The following ANKRD55 variants were observed in gnomAD, a reference collection of about 807,000 sequenced individuals.
The protein encoded by ANKRD55 is ankyrin repeat domain-containing protein 55.
Under a neutral mutation model 60.6 loss-of-function variants are expected in ANKRD55, and 41 were observed. The observed-to-expected ratio is 0.68, with a 90% CI of 0.53 to 0.88. ANKRD55 has a LOEUF of 0.88. ANKRD55 is among the 40% of genes least tolerant of loss of function. The probability of loss-of-function intolerance (pLI) is 0.00; values close to 1 mark genes in which losing one functional copy is unlikely to be tolerated. For missense variants in ANKRD55, 732 were observed against 767.6 expected (o/e 0.95, Z 0.55); for synonymous variants, 264 against 290.3 (o/e 0.91, Z 0.92).
chr5:56,116,396 T>C (rs1756887893), intron 9 of ANKRD55, among the ~76,000 whole-genome samples: 1 of 152,234 alleles, frequency 6.6e-6, no homozygotes, highest in African/African-American at 2.4e-5. Flanking sequence ...TTGGATTCAC[T>C]ACTATCATTT....
chr5:56,190,204 T>C (rs1399843596), intron 2 of ANKRD55, among the ~76,000 whole-genome samples: 1 of 152,218 alleles, frequency 6.6e-6, no homozygotes, highest in Non-Finnish European at 1.5e-5. Context: ...TTGTAGGAGT[T>C]CTTTATATAT....
chr5:56,199,303 G>A (rs555933704), intron 2 of ANKRD55, among the ~76,000 whole-genome samples: 14 of 151,918 alleles, frequency 9.2e-5, no homozygotes, highest in Admixed American at 3.9e-4. Flanking sequence ...TGCAGGGCCC[G>A]GCAAATTAAT....
chr5:56,143,996 A>T, intron 6 of ANKRD55, 67 bp from the exon 7 acceptor site: 1 of 1,604,846 alleles, frequency 6.2e-7, no homozygotes, highest in Non-Finnish European at 8.5e-7. Context: ...TGGAGCTCAC[A>T]CTTTCTCCTC....
chr5:56,122,923 G>A (rs1757117243), intron 8 of ANKRD55, among the ~76,000 whole-genome samples: 1 of 151,590 alleles, frequency 6.6e-6, no homozygotes, highest in Non-Finnish European at 1.5e-5. Context: ...GTACCACTAT[G>A]TCCGGCTAAT....
At chr5:56,192,782 A>G in intron 2 of ANKRD55, 1 of 1,003,468 alleles carries the variant, frequency 1.0e-6, no homozygotes, top group South Asian at 1.5e-5. Flanking sequence ...GAACACAGAC[A>G]TCGCTGAAAA....
chr5:56,201,790 T>C (rs1214941408), intron 2 of ANKRD55, among the ~76,000 whole-genome samples: 1 of 152,216 alleles, frequency 6.6e-6, no homozygotes, highest in Non-Finnish European at 1.5e-5. Context: ...ATCCCATTAC[T>C]AGGTATATAC....
At chr5:56,218,330 C>T (rs964414337) in intron 2 of ANKRD55, among the ~76,000 whole-genome samples, 16 of 152,130 alleles carry the variant, frequency 1.1e-4, no homozygotes, top group Non-Finnish European at 1.9e-4. Context: ...ATGTTACATA[C>T]AGATACATCT....
chr5:56,157,601 G>C (rs116426238), intron 6 of ANKRD55, among the ~76,000 whole-genome samples: 4 of 152,172 alleles, frequency 2.6e-5, no homozygotes. Context: ...ACACGCTGGC[G>C]GCAATACTGC....
Position 56,100,220 on chromosome 5 carries a change from C to G in ANKRD55, c.1808G>C (p.Ser603Thr), listed in dbSNP as rs943926887. 6.2e-7 allele frequency: 1 copy of G among 1,614,220 alleles called. No homozygotes were observed. The highest frequency in any genetic ancestry group is 8.5e-7 in the Non-Finnish European group (1 of 1,180,036). The change falls in exon 12 of 12, where the codon AGT becomes ACT. Residue 603 changes from serine to threonine, a missense_variant. By Grantham distance (58) the Ser-to-Thr change is moderately conservative. Transcript: ENST00000341048. Reference protein sequence around the residue: ...QRRHSTAAEESEHSANPTSDE... With the variant: ...QRRHSTAAEETEHSANPTSDE... ...ACTGGTGGGGTTGGCAGAATGTTCACTCTCTTCTGCTGCTGTGCTGTGTCT... is the reference window on the plus strand; with the variant it reads ...ACTGGTGGGGTTGGCAGAATGTTCAGTCTCTTCTGCTGCTGTGCTGTGTCT...
chr5:56,099,954 G>T lies in ANKRD55; in HGVS notation c.*229C>A. ...TAACATATTTTGTCTTTTAATTTTGGCATGTGGAAGTCACAGAAATTCACA... is the reference window on the plus strand; with the variant it reads ...TAACATATTTTGTCTTTTAATTTTGTCATGTGGAAGTCACAGAAATTCACA... On this transcript the variant is annotated 3_prime_UTR_variant, in exon 12 of 12. Coordinates refer to ENST00000341048, the MANE Select transcript of ANKRD55 (RefSeq NM_024669.3). 1 of 493,224 alleles carries T rather than the reference G, an allele frequency of 2.0e-6. No individual in the cohort carries two copies. Among genetic ancestry groups the T allele is most frequent in the Non-Finnish European group, 3.6e-6 (1 of 281,208 alleles). 30.6% of individuals were successfully genotyped at this position (493,224 alleles called of 1,614,324 possible). A position where few individuals can be genotyped will look rare whatever the true frequency, so the allele number is the denominator to read the frequency against.
At chr5:56,121,166 A>T (rs892777416) in intron 8 of ANKRD55, among the ~76,000 whole-genome samples, 3 of 152,062 alleles carry the variant, frequency 2.0e-5, no homozygotes, top group African/African-American at 7.2e-5. Flanking sequence ...ATTCCTATAC[A>T]CCCATTGTAT....
chr5:56,113,162 C>T (rs1172699619), intron 9 of ANKRD55, among the ~76,000 whole-genome samples: 1 of 152,166 alleles, frequency 6.6e-6, no homozygotes, highest in East Asian at 1.9e-4. Flanking sequence ...AAATGGGGTC[C>T]ACTGAACCCT....
At chr5:56,125,441 TGG>T (rs1401992700) in intron 8 of ANKRD55, among the ~76,000 whole-genome samples, 1 of 151,966 alleles carries the variant, frequency 6.6e-6, no homozygotes, top group East Asian at 1.9e-4. Flanking sequence ...CCACCACACC[TGG>T]CTAATTTTTG....
chr5:56,203,440 G>A (rs1759425964), intron 2 of ANKRD55, among the ~76,000 whole-genome samples: 1 of 151,992 alleles, frequency 6.6e-6, no homozygotes, highest in Non-Finnish European at 1.5e-5. Context: ...TTGTTGTGCT[G>A]CACCCATTAA....
chr5:56,170,909 A>T, intron 4 of ANKRD55, 106 bp from the exon 5 acceptor site: 1 of 1,018,012 alleles, frequency 9.8e-7, no homozygotes, highest in Non-Finnish European at 1.5e-6. Flanking sequence ...GGTTAAAAAC[A>T]TATTTTATTT....
chr5:56,232,782 C>A (rs1414618471), intron 2 of ANKRD55, 74 bp downstream of exon 2: 2 of 1,457,494 alleles, frequency 1.4e-6, no homozygotes, highest in Non-Finnish European at 1.9e-6. Flanking sequence ...CTCTTTCTCT[C>A]CTTACAACTG....
At chr5:56,131,644 A>G (rs1021649506) in intron 7 of ANKRD55, among the ~76,000 whole-genome samples, 8 of 151,710 alleles carry the variant, frequency 5.3e-5, no homozygotes, top group African/African-American at 1.9e-4. Context: ...AAAAATACAA[A>G]AATTAGCCGG....
intron 5 of ANKRD55, 73 bp downstream of exon 5, chr5:56,170,621 G>T: frequency 8.2e-7 from 1 of 1,218,382 alleles, no homozygotes; most frequent in South Asian, 1.2e-5. Flanking sequence ...GCCACAGAGG[G>T]ATGGATTAGA....
At chr5:56,182,000 G>A (rs879429168) in intron 3 of ANKRD55, among the ~76,000 whole-genome samples, 15 of 151,704 alleles carry the variant, frequency 9.9e-5, no homozygotes, top group Admixed American at 2.6e-4. Context: ...TTTTTACATC[G>A]TCTTTGGTTT....
Sources: allele counts gnomAD v4.1 joint callset (sites outside exome capture counted in the v4.1 genomes callset), GRCh38; gene constraint gnomAD v4.1.1; transcripts MANE v1.5; gene names NCBI Gene and HGNC (gene_info 2026-07-23, HGNC 2026-07-21).